CNNM1: variants seen among roughly 807,000 people sequenced by gnomAD.
CNNM1 encodes the protein cyclin and CBS domain divalent metal cation transport mediator 1.
In CNNM1, 44 loss-of-function variants were observed where a neutral mutation model predicts 78.8. That is an observed-to-expected ratio of 0.56 (90% CI 0.44 to 0.72). CNNM1 has a LOEUF of 0.72. CNNM1 is among the 30% of genes least tolerant of loss of function. CNNM1 has a pLI of 0.00. For missense variants in CNNM1, 1,101 were observed against 1,292.2 expected, an observed-to-expected ratio of 0.85 and a Z score of 2.27; for synonymous variants, 584 against 581.5, an observed-to-expected ratio of 1.00 and a Z score of -0.06.
intron 2 of CNNM1, 103 bp downstream of exon 2, chr10:99,357,758 C>A: frequency 8.4e-7 from 1 of 1,194,242 alleles, no homozygotes; most frequent in Non-Finnish European, 1.1e-6. Flanking sequence ...AGGGCAAACC[C>A]TGTGCCCTGA....
At chr10:99,377,364 T>G (rs759719704) in intron 7 of CNNM1, 146 bp downstream of exon 7, 99 of 739,494 alleles carry the variant, frequency 1.3e-4, no homozygotes, top group Middle Eastern at 6.0e-4. Context: ...TAACTGCTAC[T>G]GGCTGTATAA....
At chr10:99,387,793 C>T (rs199850081) in intron 7 of CNNM1, 27 bp from the exon 8 acceptor site, 4 of 1,557,686 alleles carry the variant, frequency 2.6e-6, no homozygotes, top group East Asian at 2.3e-5. Flanking sequence ...CCTAGCTGCT[C>T]CTAAGCTCCT....
intron 1 of CNNM1, among the ~76,000 whole-genome samples, chr10:99,341,153 T>A (rs2030442520): frequency 6.6e-6 from 1 of 152,074 alleles, no homozygotes; most frequent in Admixed American, 6.5e-5. Flanking sequence ...TTGAGCTGAA[T>A]CCTAAAGAAC....
At chr10:99,368,646 T>C (rs967319439) in intron 6 of CNNM1, 13 of 1,289,766 alleles carry the variant, frequency 1.0e-5, no homozygotes, top group Non-Finnish European at 1.3e-5. Flanking sequence ...GTACCTTCGC[T>C]GTCAGCAGAG....
At chr10:99,384,122 G>A (rs74442164) in intron 7 of CNNM1, among the ~76,000 whole-genome samples, 5,287 of 152,118 alleles carry the variant, frequency 0.035, 280 homozygotes, top group African/African-American at 0.12. Context: ...TTGAATTACC[G>A]ACGGGACTCA....
chr10:99,379,110 T>C (rs543919877), intron 7 of CNNM1, among the ~76,000 whole-genome samples: 12 of 152,254 alleles, frequency 7.9e-5, no homozygotes, highest in African/African-American at 2.6e-4. Flanking sequence ...TTAAGTCTGG[T>C]TGGTTTTCGT....
chr10:99,329,499 G>T lies in CNNM1; in HGVS notation c.112G>T (p.Ala38Ser). 1.3e-6 allele frequency: 2 copies of T among 1,506,952 alleles called. No homozygotes were observed. The allele number at this position is 1,506,952 out of a possible 1,614,324, so 93.3% of individuals were successfully genotyped here. A position where few individuals can be genotyped will look rare whatever the true frequency, so the allele number is the denominator to read the frequency against. ...FFSLSPRPPA[A>S]AAWLLGLRPE... ...TTCCCTGTCTCCTCGGCCCCCGGCC[G>T]CCGCCGCCTGGCTGCTGGGCCTGCG... The change falls in exon 1 of 11, where the codon GCC (alanine) becomes TCC (serine). Residue 38 changes from alanine (A) to serine (S), a missense_variant. This residue lies in a region of CNNM1 where 476 missense variants were observed against 484.5 expected (regional missense o/e 0.98). Transcript: ENST00000356713.
At position 99,357,560 on chromosome 10, in the gene CNNM1, G is replaced by C; in HGVS notation, c.1622G>C (p.Gly541Ala). ...CAGCGGGTGAATAATGAGGGAGAAG[G>C]GGACCCTTTCTATGAGGTGATGGGC... Reference protein sequence around the residue: ...IVQRVNNEGEGDPFYEVMGIV... With the variant: ...IVQRVNNEGEADPFYEVMGIV... Residue 541 changes from glycine to alanine, a missense_variant, in exon 2 of 11, where the codon GGG (glycine) becomes GCG (alanine). Physicochemically the swap from Gly to Ala is moderately conservative, Grantham distance 60 (BLOSUM62 0). Transcript: ENST00000356713. 1 of 1,613,696 alleles carries C rather than the reference G, an allele frequency of 6.2e-7. No individual in the cohort carries two copies. Among genetic ancestry groups the C allele is most frequent in the Non-Finnish European group, 8.5e-7 (1 of 1,179,758 alleles).
chr10:99,383,022 T>C (rs905778462), intron 7 of CNNM1, among the ~76,000 whole-genome samples: 133 of 152,198 alleles, frequency 8.7e-4, no homozygotes, highest in Middle Eastern at 3.4e-3. Context: ...AAACATGGAG[T>C]CTGTTGAAAA....
At position 99,330,023 on chromosome 10, in the gene CNNM1, C is replaced by T. The variant is rs1458996861; in HGVS notation, c.636C>T (p.Tyr212=). 7 of 1,439,784 alleles carry T rather than the reference C, an allele frequency of 4.9e-6. No individual in the cohort carries two copies. In the African/African-American group the frequency reaches 9.0e-5, roughly 19 times the overall value. The allele number at this position is 1,439,784 out of a possible 1,614,324, so 89.2% of individuals were successfully genotyped here. ...GFLLRVRPRL[Y]GPGGDLLPPA... The stretch of plus-strand genomic sequence containing the variant: ...TGCTGCGCGTTCGCCCGCGGTTGTA[C>T]GGCCCAGGCGGGGACCTGCTGCCCC... The change falls in exon 1 of 11, where the codon TAC becomes TAT. Residue 212 remains tyrosine, a synonymous_variant. Transcript: ENST00000356713.
intron 1 of CNNM1, among the ~76,000 whole-genome samples, chr10:99,343,651 A>C (rs1359975405): frequency 6.6e-6 from 1 of 152,134 alleles, no homozygotes. Context: ...ACCTTCGTTG[A>C]CTAGCTACGA....
chr10:99,369,095 T>G (rs565008626), intron 6 of CNNM1, among the ~76,000 whole-genome samples: 1 of 152,356 alleles, frequency 6.6e-6, no homozygotes, highest in East Asian at 1.9e-4. Flanking sequence ...TGTTACTATG[T>G]GATGATCATA....
intron 6 of CNNM1, among the ~76,000 whole-genome samples, chr10:99,376,750 T>C (rs933357411): frequency 1.3e-5 from 2 of 151,944 alleles, no homozygotes; most frequent in African/African-American, 4.8e-5. Flanking sequence ...CTGGGGAAAA[T>C]AGATGCTCCA....
At chr10:99,359,389 C>T (rs7916799) in intron 2 of CNNM1, among the ~76,000 whole-genome samples, 16,904 of 152,148 alleles carry the variant, frequency 0.11, 1,576 homozygotes, top group African/African-American at 0.26. Context: ...GGTCTTTCTA[C>T]CTATAAATAG....
At chr10:99,351,482 G>T (rs947861311) in intron 1 of CNNM1, among the ~76,000 whole-genome samples, 1 of 152,172 alleles carries the variant, frequency 6.6e-6, no homozygotes, top group African/African-American at 2.4e-5. Context: ...AGAAAGATGG[G>T]AATGCTTGGG....
chr10:99,394,237 A>C lies in CNNM1; in HGVS notation c.*2721A>C, dbSNP rs2032556936. 3 of 152,534 alleles carry C rather than the reference A, an allele frequency of 2.0e-5. No individual in the cohort carries two copies. The South Asian group carries it at 6.2e-4, about 32-fold the overall frequency. The allele number at this position is 152,534 out of a possible 1,614,324, so 9.4% of individuals were successfully genotyped here. On this transcript the variant is annotated 3_prime_UTR_variant, in exon 11 of 11. Coordinates refer to ENST00000356713, the MANE Select transcript of CNNM1 (RefSeq NM_020348.3). Reference sequence around the variant, plus strand: ...CAAAGATTTTCTTCAGGTTAAAAAAAAAGTTTAAAAAAAAGATTTTAAAAT... The same window carrying C: ...CAAAGATTTTCTTCAGGTTAAAAAACAAGTTTAAAAAAAAGATTTTAAAAT...
At chr10:99,361,556 T>C (rs554869100) in intron 3 of CNNM1, among the ~76,000 whole-genome samples, 1 of 152,350 alleles carries the variant, frequency 6.6e-6, no homozygotes, top group South Asian at 2.1e-4. Context: ...TTATTGAGTA[T>C]GTAATGAGTG....
intron 7 of CNNM1, among the ~76,000 whole-genome samples, chr10:99,384,872 G>T (rs1335417908): frequency 6.6e-6 from 1 of 152,028 alleles, no homozygotes; most frequent in Non-Finnish European, 1.5e-5. Context: ...TTCAAAATCA[G>T]CCTGACCAAT....
intron 1 of CNNM1, among the ~76,000 whole-genome samples, chr10:99,354,489 G>A (rs372055681): frequency 1.3e-5 from 2 of 152,206 alleles, no homozygotes; most frequent in East Asian, 1.9e-4. Flanking sequence ...TCTGATATAT[G>A]GAGGGAACTT....
Sources: allele counts gnomAD v4.1 joint callset (sites outside exome capture counted in the v4.1 genomes callset), GRCh38; gene constraint gnomAD v4.1.1; regional missense constraint gnomAD v4.1.1; transcripts MANE v1.5; gene names NCBI Gene and HGNC (gene_info 2026-07-23, HGNC 2026-07-21).